The following KPNA4 variants were observed in gnomAD, a reference collection of about 807,000 sequenced individuals.
The protein encoded by KPNA4 is importin subunit alpha-3.
Under a neutral mutation model 71.3 loss-of-function variants are expected in KPNA4, and 13 were observed. The ratio of observed to expected loss-of-function variants is 0.18; its 90% confidence interval spans 0.12 to 0.29. KPNA4 has a LOEUF of 0.29. Ranked by LOEUF, KPNA4 falls within the 10% of genes least tolerant of loss-of-function variation. The pLI is 1.00. For synonymous variants in KPNA4, 189 were observed against 195.2 expected (o/e 0.97, Z 0.26); for missense variants, 334 against 603.2 (o/e 0.55, Z 4.67).
intron 1 of KPNA4, among the ~76,000 whole-genome samples, chr3:160,540,342 G>A (rs1044830583): frequency 1.3e-5 from 2 of 152,132 alleles, no homozygotes; most frequent in African/African-American, 4.8e-5. Context: ...TTACAACAAA[G>A]TCTGGAGGTT....
intron 13 of KPNA4, among the ~76,000 whole-genome samples, chr3:160,511,611 T>C (rs946418219): frequency 6.6e-6 from 1 of 151,972 alleles, no homozygotes; most frequent in African/African-American, 2.4e-5. Context: ...TTTTTTTAAG[T>C]ACATTACTGA....
At chr3:160,527,849 G>C (rs1373307163) in intron 8 of KPNA4, 104 bp downstream of exon 8, 7 of 728,314 alleles carry the variant, frequency 9.6e-6, no homozygotes, top group Non-Finnish European at 1.6e-5. Context: ...ACAAAAACTA[G>C]TACTGAAGGC....
At chr3:160,534,718 G>GGAAAAAAAAAAA (rs1553786925) in intron 5 of KPNA4, among the ~76,000 whole-genome samples, 5 of 73,136 alleles carry the variant, frequency 6.8e-5, no homozygotes, top group African/African-American at 2.7e-4. Context: ...CTCCATCTCA[G>GGAAAAAAAAAAA]AAAAAAAAAA....
intron 1 of KPNA4, among the ~76,000 whole-genome samples, chr3:160,547,104 T>A (rs1420748255): frequency 6.6e-6 from 1 of 152,230 alleles, no homozygotes; most frequent in Non-Finnish European, 1.5e-5. Context: ...ACCAATTCTA[T>A]AAGATGAATT....
At chr3:160,548,910 T>C (rs1272241767) in intron 1 of KPNA4, among the ~76,000 whole-genome samples, 3 of 152,228 alleles carry the variant, frequency 2.0e-5, no homozygotes, top group East Asian at 3.8e-4. Flanking sequence ...TCACCAATAA[T>C]GCACAAGATT....
chr3:160,521,162 T>C (rs1027556642), intron 11 of KPNA4, among the ~76,000 whole-genome samples: 3 of 151,936 alleles, frequency 2.0e-5, no homozygotes, highest in African/African-American at 4.8e-5. Flanking sequence ...ATAAGGATGG[T>C]TGGCAAGGAA....
chr3:160,532,591 G>C (rs936865112), intron 5 of KPNA4, among the ~76,000 whole-genome samples: 2 of 152,306 alleles, frequency 1.3e-5, no homozygotes, highest in Admixed American at 6.5e-5. Flanking sequence ...TCACATGTGG[G>C]AGACTACAGG....
At chr3:160,559,910 A>T (rs551057172) in intron 1 of KPNA4, among the ~76,000 whole-genome samples, 1 of 152,242 alleles carries the variant, frequency 6.6e-6, no homozygotes, top group Admixed American at 6.5e-5. Context: ...TATTTTATAG[A>T]TATCAATATA....
At chr3:160,541,471 T>C (rs1161938048) in intron 1 of KPNA4, among the ~76,000 whole-genome samples, 4 of 151,922 alleles carry the variant, frequency 2.6e-5, no homozygotes, top group African/African-American at 7.3e-5. Context: ...AAAATAAGAA[T>C]TAAAAAATTT....
At chr3:160,514,299 T>C in intron 12 of KPNA4, 118 bp from the exon 13 acceptor site, 3 of 645,900 alleles carry the variant, frequency 4.6e-6, no homozygotes, top group African/African-American at 3.9e-5. Flanking sequence ...AGCTCCATAA[T>C]AAAAATCTCA....
intron 11 of KPNA4, among the ~76,000 whole-genome samples, chr3:160,520,622 AG>A (rs34881354): frequency 0.21 from 31,387 of 152,058 alleles, 3,844 homozygotes; most frequent in Non-Finnish European, 0.27. Flanking sequence ...TTTAATTTTA[AG>A]GTACAGGGTC....
chr3:160,530,412 G>A (rs968069217), intron 7 of KPNA4, among the ~76,000 whole-genome samples: 3 of 152,128 alleles, frequency 2.0e-5, no homozygotes, highest in African/African-American at 4.8e-5. Context: ...CTGGGAGGCC[G>A]AGGCTACAGT....
At chr3:160,559,313 T>C (rs992221362) in intron 1 of KPNA4, among the ~76,000 whole-genome samples, 2 of 152,162 alleles carry the variant, frequency 1.3e-5, no homozygotes, top group Non-Finnish European at 2.9e-5. Context: ...CCAGAGAAAG[T>C]TAGAATTTTA....
intron 10 of KPNA4, among the ~76,000 whole-genome samples, chr3:160,523,433 T>TA (rs978579843): frequency 2.0e-5 from 3 of 151,740 alleles, no homozygotes; most frequent in African/African-American, 4.8e-5. Flanking sequence ...AAAAATAAGA[T>TA]AAAAAAAACC....
chr3:160,508,828 A>G (rs1362109026), intron 14 of KPNA4, among the ~76,000 whole-genome samples: 1 of 152,150 alleles, frequency 6.6e-6, no homozygotes, highest in Non-Finnish European at 1.5e-5. Context: ...CCTGGATACT[A>G]GTTTCAAAAA....
chr3:160,525,683 A>T, intron 10 of KPNA4, 117 bp downstream of exon 10: 1 of 470,738 alleles, frequency 2.1e-6, no homozygotes. Context: ...GAAATGGGAA[A>T]ATCTGATAGT....
rs1470057120 is a variant in KPNA4, at chr3:160,514,195, G to A, written c.1033-14C>T. 1 of 1,554,716 alleles carries A rather than the reference G, an allele frequency of 6.4e-7. No individual in the cohort carries two copies. Among genetic ancestry groups the A allele is most frequent in the African/African-American group, 1.4e-5 (1 of 71,794 alleles). On this transcript the variant is annotated splice_polypyrimidine_tract_variant and intron_variant, in intron 12 of 16. Transcript: ENST00000334256. ...CCACACTGCTTCCTGTAGAACAAGA[G>A]CATTTGAATATTTCTCATTAAAAAA... is the stretch of plus-strand genomic sequence containing the variant.
rs71628425 is a variant in KPNA4 at position 160,535,900 on chromosome 3, TAAAA to T, written c.115-7_115-4del. ...AAGAGATGTTCATCTCTTTTATTCT[TAAAA>T]AAAAAAAAAAAAAAAAAAAAACCAA... On this transcript the variant is annotated splice_polypyrimidine_tract_variant and splice_region_variant and intron_variant, in intron 2 of 16. Coordinates refer to ENST00000334256, the MANE Select transcript of KPNA4 (RefSeq NM_002268.5). 2.6e-4 allele frequency: 84 copies of T among 325,200 alleles called. No individual in the cohort carries two copies. Among genetic ancestry groups the T allele is most frequent in the East Asian group, 5.0e-4 (7 of 13,928 alleles). 20.1% of individuals were successfully genotyped at this position (325,200 alleles called of 1,614,324 possible). A position where few individuals can be genotyped will look rare whatever the true frequency, so the allele number is the denominator to read the frequency against.
At position 160,528,039 on chromosome 3, in the gene KPNA4, T is replaced by C. The variant is rs1247151232; in HGVS notation, c.470A>G (p.Asn157Ser). 1 of 1,609,738 alleles carries C rather than the reference T, an allele frequency of 6.2e-7. No homozygotes were observed. The highest frequency in any genetic ancestry group is 8.5e-7 in the Non-Finnish European group (1 of 1,176,996). ...AAGCCTCAGGAAAAGTGGCACAGCA[T>C]CTGATGGAAGAAAAAATAACAATAC... Reference protein sequence around the residue: ...SEQTQAVVQSNAVPLFLRLLH... With the variant: ...SEQTQAVVQSSAVPLFLRLLH... The change falls in exon 8 of 17, where the codon AAT (asparagine) becomes AGT (serine). Residue 157 changes from asparagine (N) to serine (S), a missense_variant and splice_region_variant. Physicochemically the swap from Asn to Ser is conservative, Grantham distance 46 (BLOSUM62 1). Transcript: ENST00000334256.
Sources: gnomAD v4.1 joint callset for allele counts (sites outside exome capture counted in the v4.1 genomes callset) on GRCh38, gnomAD v4.1.1 for gene constraint, MANE v1.5 for transcripts, NCBI Gene and HGNC (gene_info 2026-07-23, HGNC 2026-07-21) for gene names.